Variants in NUP93 observed in about 807,000 individuals in gnomAD.
NUP93 encodes nuclear pore complex protein Nup93.
In NUP93, 55 loss-of-function variants were observed where a neutral mutation model predicts 107.8. That is an observed-to-expected ratio of 0.51 (90% CI 0.41 to 0.64). The LOEUF (loss-of-function observed/expected upper bound fraction) is 0.64. NUP93 is among the 30% of genes least tolerant of loss of function. The pLI, the probability that NUP93 is intolerant of heterozygous loss-of-function variation, is 0.00. For missense variants in NUP93, 937 were observed against 1,044.7 expected (o/e 0.90, Z 1.42); for synonymous variants, 390 against 397.5 (o/e 0.98, Z 0.22).
rs376855384 is a variant in NUP93, at chr16:56,798,762, C to T, written c.360+224C>T. On this transcript the variant is annotated intron_variant, in intron 4 of 21. Coordinates refer to ENST00000308159, the MANE Select transcript of NUP93 (RefSeq NM_014669.5). ...CACACGTCTGTGGTCCCAGCTACTCCGGTGGTTGTGGGAGAATTGCTTGAA... is the reference window on the plus strand; with the variant it reads ...CACACGTCTGTGGTCCCAGCTACTCTGGTGGTTGTGGGAGAATTGCTTGAA... Among the ~76,000 whole-genome samples the T allele has an allele frequency of 7.3e-5, 11 of 151,516 alleles. No homozygotes were observed. In the East Asian group the frequency reaches 7.8e-4, roughly 11 times the overall value.
At chr16:56,822,278 G>C (rs909903795) in intron 7 of NUP93, among the ~76,000 whole-genome samples, 1 of 151,866 alleles carries the variant, frequency 6.6e-6, no homozygotes, top group African/African-American at 2.4e-5. Flanking sequence ...TTTTGAGGCT[G>C]AGGTGGGTGG....
intron 1 of NUP93, among the ~76,000 whole-genome samples, chr16:56,739,666 C>T (rs1198546668): frequency 1.3e-3 from 165 of 122,796 alleles, no homozygotes; most frequent in African/African-American, 5.5e-3. Context: ...GCTGGCCGGG[C>T]GGAGGGCTGA....
At chr16:56,814,708 C>T (rs1963385012) in intron 5 of NUP93, among the ~76,000 whole-genome samples, 1 of 152,156 alleles carries the variant, frequency 6.6e-6, no homozygotes, top group Admixed American at 6.5e-5. Flanking sequence ...GCTGTTTTTC[C>T]ACATATCTGT....
chr16:56,802,903 T>A (rs934526095), intron 4 of NUP93, among the ~76,000 whole-genome samples: 4 of 152,200 alleles, frequency 2.6e-5, no homozygotes, highest in Admixed American at 1.3e-4. Flanking sequence ...TGGTCATAAT[T>A]CAATCTATCT....
chr16:56,808,226 TAAA>T (rs1963204433), intron 5 of NUP93, among the ~76,000 whole-genome samples: 1 of 108,038 alleles, frequency 9.3e-6, no homozygotes, highest in African/African-American at 3.8e-5. Context: ...TGTAACTATA[TAAA>T]ATATATAGTT....
chr16:56,774,894 T>G (rs1210854843), intron 3 of NUP93, among the ~76,000 whole-genome samples: 1 of 151,050 alleles, frequency 6.6e-6, no homozygotes, highest in African/African-American at 2.4e-5. Flanking sequence ...TTTTTTTGTT[T>G]TTGTTTTTGT....
chr16:56,744,332 A>G (rs571324445), intron 1 of NUP93, among the ~76,000 whole-genome samples: 9 of 152,254 alleles, frequency 5.9e-5, no homozygotes, highest in South Asian at 4.1e-4. Context: ...TAATCTCTCT[A>G]TTTTGTGGCT....
At chr16:56,830,778 C>CA in intron 10 of NUP93, 93 bp downstream of exon 10, 1 of 1,211,096 alleles carries the variant, frequency 8.3e-7, no homozygotes. Context: ...TGGACGGGCC[C>CA]AAAACAAGTT....
At chr16:56,838,023 C>G (rs561105130) in intron 18 of NUP93, among the ~76,000 whole-genome samples, 1 of 152,302 alleles carries the variant, frequency 6.6e-6, no homozygotes, top group East Asian at 1.9e-4. Context: ...CGCCTAAATA[C>G]TGTTGTATAC....
chr16:56,767,082 T>A (rs1278104295), intron 3 of NUP93, among the ~76,000 whole-genome samples: 1 of 152,260 alleles, frequency 6.6e-6, no homozygotes, highest in Non-Finnish European at 1.5e-5. Context: ...CCCAGGTTGC[T>A]GACAGCCATG....
At chr16:56,809,770 C>T (rs1014653898) in intron 5 of NUP93, among the ~76,000 whole-genome samples, 3 of 152,086 alleles carry the variant, frequency 2.0e-5, no homozygotes, top group African/African-American at 7.2e-5. Flanking sequence ...TTAAACTAGC[C>T]CCCAAATAAA....
intron 16 of NUP93, among the ~76,000 whole-genome samples, chr16:56,835,697 C>T (rs957074205): frequency 7.2e-5 from 11 of 152,180 alleles, no homozygotes; most frequent in African/African-American, 1.4e-4. Context: ...GAGAGTCCAG[C>T]GCTAGTGGAG....
chr16:56,750,034 C>T (rs922864508), intron 2 of NUP93, among the ~76,000 whole-genome samples: 15 of 152,192 alleles, frequency 9.9e-5, no homozygotes, highest in Admixed American at 3.3e-4. Context: ...ACTGCTGGAG[C>T]GAAAGGCCCA....
At chr16:56,775,551 A>C (rs1178142049) in intron 3 of NUP93, among the ~76,000 whole-genome samples, 1 of 152,136 alleles carries the variant, frequency 6.6e-6, no homozygotes, top group Non-Finnish European at 1.5e-5. Flanking sequence ...AGAACTGGAA[A>C]CGTTTTGGTC....
chr16:56,751,996 G>A (rs973104546), intron 2 of NUP93, among the ~76,000 whole-genome samples: 2 of 152,122 alleles, frequency 1.3e-5, no homozygotes, highest in Non-Finnish European at 2.9e-5. Context: ...TGCATAAGCC[G>A]TACACTGCAT....
chr16:56,778,634 A>G (rs543899173), intron 3 of NUP93, among the ~76,000 whole-genome samples: 1 of 152,330 alleles, frequency 6.6e-6, no homozygotes, highest in South Asian at 2.1e-4. Context: ...TGATGGGCTT[A>G]AGAAGGATGT....
chr16:56,774,822 T>G (rs1962383170), intron 3 of NUP93, among the ~76,000 whole-genome samples: 1 of 152,214 alleles, frequency 6.6e-6, no homozygotes, highest in African/African-American at 2.4e-5. Context: ...TCCACTGGAC[T>G]TGATCACTGC....
chr16:56,849,162 T>C lies in NUP93; in HGVS notation c.*4553T>C, dbSNP rs1964149213. 1 of 152,208 alleles carries C rather than the reference T, an allele frequency of 6.6e-6. No individual in the cohort carries two copies. The highest frequency in any genetic ancestry group is 2.4e-5 in the African/African-American group (1 of 41,446). The allele number at this position is 152,208 out of a possible 1,614,324, so 9.4% of individuals were successfully genotyped here. A position where few individuals can be genotyped will look rare whatever the true frequency, so the allele number is the denominator to read the frequency against. ...ACTCCGTGATTCACCGTGGGGGCCCTTAATAGGCATTCAGTCTGAAAGAAG... is the reference window on the plus strand; with the variant it reads ...ACTCCGTGATTCACCGTGGGGGCCCCTAATAGGCATTCAGTCTGAAAGAAG... On this transcript the variant is annotated 3_prime_UTR_variant, in exon 22 of 22. Transcript: ENST00000308159.
rs769878224 is a variant in NUP93, at chr16:56,805,591, G to A, written c.448G>A (p.Ala150Thr). 3.7e-6 allele frequency: 6 copies of A among 1,614,056 alleles called. No homozygotes were observed. The highest frequency in any genetic ancestry group is 1.1e-5 in the South Asian group (1 of 91,070). Residue 150 changes from alanine (A) to threonine (T), a missense_variant, in exon 5 of 22, where the codon GCA (alanine) becomes ACA (threonine). Transcript: ENST00000308159. ...VKQRILHTLL[A>T]SGEDALDFTQ... ...ACAGCGAATTCTGCACACACTGCTGGCATCAGGAGAAGACGCCCTTGACTT... is the reference window on the plus strand; with the variant it reads ...ACAGCGAATTCTGCACACACTGCTGACATCAGGAGAAGACGCCCTTGACTT...
Sources: gnomAD v4.1 joint callset for allele counts (sites outside exome capture counted in the v4.1 genomes callset) on GRCh38, gnomAD v4.1.1 for gene constraint, MANE v1.5 for transcripts, NCBI Gene and HGNC (gene_info 2026-07-23, HGNC 2026-07-21) for gene names.